Variants in SEC62 observed in about 807,000 individuals in gnomAD.
SEC62 encodes the protein SEC62 preprotein translocation factor.
SEC62 carries 10 observed loss-of-function variants against 47.5 expected under a neutral mutation model. That is an observed-to-expected ratio of 0.21 (90% CI 0.13 to 0.36). The LOEUF (loss-of-function observed/expected upper bound fraction) is 0.36, where lower values mean the gene tolerates loss of function less well. Ranked by LOEUF, SEC62 falls within the 10% of genes least tolerant of loss-of-function variation. SEC62 has a pLI of 1.00. For synonymous variants in SEC62, 136 were observed against 150.5 expected (o/e 0.90, Z 0.71); for missense variants, 327 against 464.1 (o/e 0.70, Z 2.71).
chr3:169,970,909 G>A (rs1353086038), intron 1 of SEC62, among the ~76,000 whole-genome samples: 1 of 152,164 alleles, frequency 6.6e-6, no homozygotes, highest in Non-Finnish European at 1.5e-5. Flanking sequence ...AGAACAAAGA[G>A]GGGGAGGTAC....
rs1715353827 is a variant in SEC62 at position 169,995,570 on chromosome 3, G to A, written c.*2507G>A. The A allele has an allele frequency of 6.6e-6, 1 of 152,114 alleles. No individual in the cohort carries two copies. The highest frequency in any genetic ancestry group is 6.5e-5 in the Admixed American group (1 of 15,272). The allele number at this position is 152,114 out of a possible 1,614,324, so 9.4% of individuals were successfully genotyped here. ...CCCCCTCTTTCTGGTTTTACATCAT[G>A]AGGATCAGTTAGCTGCTGACAAGAA... On this transcript the variant is annotated 3_prime_UTR_variant, in exon 8 of 8. Transcript: ENST00000337002.
At chr3:169,976,547 C>T (rs1714843655) in intron 2 of SEC62, among the ~76,000 whole-genome samples, 1 of 152,196 alleles carries the variant, frequency 6.6e-6, no homozygotes, top group African/African-American at 2.4e-5. Flanking sequence ...GACAGAGCTT[C>T]TTCCTCAGTG....
At position 169,994,701 on chromosome 3, in the gene SEC62, C is replaced by T. The variant is rs1715333433; in HGVS notation, c.*1638C>T. On this transcript the variant is annotated 3_prime_UTR_variant, in exon 8 of 8. Transcript: ENST00000337002. ...ACAGTAAGCATATATATAATGATCA[C>T]TTCTGAGTTTATCACCAGTAACATT... The T allele has an allele frequency of 6.6e-6, 1 of 152,156 alleles. No individual in the cohort carries two copies. The highest frequency in any genetic ancestry group is 6.5e-5 in the Admixed American group (1 of 15,268). The allele number at this position is 152,156 out of a possible 1,614,324, so 9.4% of individuals were successfully genotyped here.
At chr3:169,982,613 C>T in intron 3 of SEC62, 94 bp from the exon 4 acceptor site, 1 of 1,445,224 alleles carries the variant, frequency 6.9e-7, no homozygotes, top group Non-Finnish European at 9.6e-7. Context: ...CTAATTTATG[C>T]CTTCCTTTGC....
rs1715350609 is a variant in SEC62 at position 169,995,420 on chromosome 3, T to G, written c.*2357T>G. On this transcript the variant is annotated 3_prime_UTR_variant, in exon 8 of 8. Coordinates refer to ENST00000337002, the MANE Select transcript of SEC62 (RefSeq NM_003262.4). ...TCCCTCTTACTGGATTTTTCAATTTTCAAACCATATGGCCTAGGTAACTTT... is the reference window on the plus strand; with the variant it reads ...TCCCTCTTACTGGATTTTTCAATTTGCAAACCATATGGCCTAGGTAACTTT... 1 of 152,208 alleles carries G rather than the reference T, an allele frequency of 6.6e-6. No individual in the cohort carries two copies. The highest frequency in any genetic ancestry group is 2.1e-4 in the South Asian group (1 of 4,830). 9.4% of individuals were successfully genotyped at this position (152,208 alleles called of 1,614,324 possible). A position where few individuals can be genotyped will look rare whatever the true frequency, so the allele number is the denominator to read the frequency against.
chr3:169,992,649 T>C lies in SEC62; in HGVS notation c.786T>C (p.Phe262=). 6.2e-7 allele frequency: 1 copy of C among 1,614,160 alleles called. No individual in the cohort carries two copies. Among genetic ancestry groups the C allele is most frequent in the Non-Finnish European group, 8.5e-7 (1 of 1,180,020 alleles). The change falls in exon 8 of 8, where the codon TTT becomes TTC. Residue 262 remains phenylalanine, a synonymous_variant. Coordinates refer to ENST00000337002, the MANE Select transcript of SEC62 (RefSeq NM_003262.4). The surrounding 1 kb of genome is among the most constrained non-coding windows in gnomAD (Gnocchi z 4.0). ...IWLITGGRHH[F]WFLPNLTADV... Reference sequence around the variant, plus strand: ...TCATAACTGGAGGAAGGCACCACTTTTGGTTCTTGCCAAATCTGACTGCTG... The same window carrying C: ...TCATAACTGGAGGAAGGCACCACTTCTGGTTCTTGCCAAATCTGACTGCTG...
At chr3:169,979,062 C>T (rs1377924208) in intron 3 of SEC62, among the ~76,000 whole-genome samples, 1 of 152,140 alleles carries the variant, frequency 6.6e-6, no homozygotes, top group Non-Finnish European at 1.5e-5. Context: ...AGCCTTGGTA[C>T]CTTGTTATTT....
chr3:169,980,304 G>A (rs575535231), intron 3 of SEC62, among the ~76,000 whole-genome samples: 39 of 151,728 alleles, frequency 2.6e-4, no homozygotes, highest in Non-Finnish European at 4.3e-4. Context: ...TCCAAGCAAA[G>A]GGCATAGAAC....
chr3:169,971,419 A>C (rs76888298), intron 1 of SEC62, among the ~76,000 whole-genome samples: 7,734 of 152,276 alleles, frequency 0.051, 681 homozygotes, highest in African/African-American at 0.18. Flanking sequence ...CTTCAACGCC[A>C]AAGCAATGGC....
At chr3:169,969,328 G>C in intron 1 of SEC62, 1 of 456,630 alleles carries the variant, frequency 2.2e-6, no homozygotes, top group Non-Finnish European at 4.4e-6. Flanking sequence ...TTTCTAGCAA[G>C]AGGACTGTTG....
rs1715288293 is a variant in SEC62 at position 169,993,146 on chromosome 3, A to T, written c.*83A>T. 4 of 951,752 alleles carry T rather than the reference A, an allele frequency of 4.2e-6. No homozygotes were observed. The South Asian group carries it at 7.0e-5, about 17-fold the overall frequency. The allele number at this position is 951,752 out of a possible 1,614,324, so 59.0% of individuals were successfully genotyped here. A position where few individuals can be genotyped will look rare whatever the true frequency, so the allele number is the denominator to read the frequency against. ...CTGATTACCATATTGAACACATGGC[A>T]TTTGTAGCATTCTTTAAATCTATCT... On this transcript the variant is annotated 3_prime_UTR_variant, in exon 8 of 8. Coordinates refer to ENST00000337002, the MANE Select transcript of SEC62 (RefSeq NM_003262.4).
chr3:169,974,722 G>A (rs551971975), intron 1 of SEC62, among the ~76,000 whole-genome samples: 2 of 152,310 alleles, frequency 1.3e-5, no homozygotes, highest in East Asian at 3.9e-4. Flanking sequence ...TCCCAGGAGT[G>A]TCTGGTATCT....
intron 3 of SEC62, among the ~76,000 whole-genome samples, chr3:169,982,285 C>G (rs1714992995): frequency 2.0e-5 from 3 of 152,112 alleles, no homozygotes; most frequent in Admixed American, 2.0e-4. Context: ...TTGGACCCAT[C>G]AAATCATCAC....
At position 169,993,247 on chromosome 3, in the gene SEC62, A is replaced by C; in HGVS notation, c.*184A>C. On this transcript the variant is annotated 3_prime_UTR_variant, in exon 8 of 8. Transcript: ENST00000337002. ...AGAATATTGGCACTATTATTGGTACAGTTTAAAGCCATTAATATGTTTTAT... is the reference window on the plus strand; with the variant it reads ...AGAATATTGGCACTATTATTGGTACCGTTTAAAGCCATTAATATGTTTTAT... The C allele has an allele frequency of 1.8e-6, 1 of 550,588 alleles. No individual in the cohort carries two copies. The highest frequency in any genetic ancestry group is 3.2e-6 in the Non-Finnish European group (1 of 314,246). 34.1% of individuals were successfully genotyped at this position (550,588 alleles called of 1,614,324 possible).
At chr3:169,974,323 A>G (rs1485470113) in intron 1 of SEC62, among the ~76,000 whole-genome samples, 4 of 152,260 alleles carry the variant, frequency 2.6e-5, no homozygotes, top group Non-Finnish European at 5.9e-5. Flanking sequence ...ATAGACAGTA[A>G]TTAAGTACAG....
At chr3:169,977,409 G>T (rs943092371) in intron 3 of SEC62, among the ~76,000 whole-genome samples, 9 of 152,020 alleles carry the variant, frequency 5.9e-5, no homozygotes, top group Non-Finnish European at 1.0e-4. Context: ...TATTAGCTGT[G>T]TTACCGCTAC....
intron 1 of SEC62, among the ~76,000 whole-genome samples, chr3:169,975,009 G>A (rs756851847): frequency 4.6e-5 from 7 of 152,104 alleles, no homozygotes; most frequent in African/African-American, 1.2e-4. Flanking sequence ...GGCCGGTGAC[G>A]ATGGCTCACG....
chr3:169,982,242 A>G (rs1184710073), intron 3 of SEC62, among the ~76,000 whole-genome samples: 4 of 152,202 alleles, frequency 2.6e-5, no homozygotes, highest in African/African-American at 9.7e-5. Context: ...ACTTGGAGAA[A>G]AAATAACACC....
chr3:169,987,063 CAG>C (rs1715126302), intron 6 of SEC62, among the ~76,000 whole-genome samples: 1 of 145,886 alleles, frequency 6.9e-6, no homozygotes, highest in Non-Finnish European at 1.5e-5. Context: ...ATTTAACAAA[CAG>C]AAAAAAAAAA....
Sources: allele counts gnomAD v4.1 joint callset (sites outside exome capture counted in the v4.1 genomes callset), GRCh38; gene constraint gnomAD v4.1.1; non-coding constraint Gnocchi (gnomAD v3.1); transcripts MANE v1.5; gene names NCBI Gene and HGNC (gene_info 2026-07-23, HGNC 2026-07-21).